The following SRPK2 variants were observed in gnomAD, a reference collection of about 807,000 sequenced individuals.
SRPK2 encodes SRSF protein kinase 2, also known as SFRS protein kinase 2.
In SRPK2, 21 loss-of-function variants were observed where a neutral mutation model predicts 90.8. That is an observed-to-expected ratio of 0.23 (90% CI 0.16 to 0.33). SRPK2 has a LOEUF of 0.33. Among genes scored for constraint, SRPK2 ranks in the 10% least tolerant of loss-of-function variants. SRPK2 has a pLI of 1.00. For missense variants in SRPK2, 620 were observed against 869.0 expected (o/e 0.71, Z 3.60); for synonymous variants, 288 against 311.1 (o/e 0.93, Z 0.78).
chr7:105,272,945 T>C (rs1351744814), intron 2 of SRPK2, among the ~76,000 whole-genome samples: 1 of 152,138 alleles, frequency 6.6e-6, no homozygotes, highest in Non-Finnish European at 1.5e-5. Context: ...CCGGGCGCGG[T>C]GGCTCACGCC....
intron 2 of SRPK2, among the ~76,000 whole-genome samples, chr7:105,364,592 C>T (rs1285717148): frequency 5.3e-5 from 8 of 151,642 alleles, no homozygotes; most frequent in Non-Finnish European, 7.4e-5. Flanking sequence ...TTAGTAGAGA[C>T]GGGGTTTCAC....
intron 2 of SRPK2, among the ~76,000 whole-genome samples, chr7:105,243,078 C>CGTA (rs1271171428): frequency 6.6e-6 from 1 of 152,066 alleles, no homozygotes; most frequent in Admixed American, 6.5e-5. Context: ...ACTAACTCAC[C>CGTA]GTAGACTCCA....
chr7:105,329,807 ATTAT>A (rs775783441), intron 2 of SRPK2, among the ~76,000 whole-genome samples: 1 of 151,946 alleles, frequency 6.6e-6, no homozygotes, highest in Non-Finnish European at 1.5e-5. Flanking sequence ...AGACGGGCAA[ATTAT>A]TTGAGGCCAA....
chr7:105,338,247 T>G (rs1815340928), intron 2 of SRPK2, among the ~76,000 whole-genome samples: 1 of 151,876 alleles, frequency 6.6e-6, no homozygotes, highest in Non-Finnish European at 1.5e-5. Flanking sequence ...CAAGTTTTTT[T>G]GTTTTGTTTT....
chr7:105,130,361 GACA>G (rs1220683962), intron 13 of SRPK2, among the ~76,000 whole-genome samples: 1 of 152,136 alleles, frequency 6.6e-6, no homozygotes, highest in Non-Finnish European at 1.5e-5. Flanking sequence ...GACCAGCCTA[GACA>G]ACGTGACAAA....
At chr7:105,313,099 TG>T (rs1811902889) in intron 2 of SRPK2, among the ~76,000 whole-genome samples, 1 of 151,416 alleles carries the variant, frequency 6.6e-6, no homozygotes, top group Non-Finnish European at 1.5e-5. Context: ...ATTATATGCA[TG>T]TAAGGGGAAA....
At chr7:105,267,754 T>G (rs1805292215) in intron 2 of SRPK2, among the ~76,000 whole-genome samples, 1 of 152,218 alleles carries the variant, frequency 6.6e-6, no homozygotes. Flanking sequence ...TTTACCATGG[T>G]AGGTTCTTCA....
At chr7:105,228,978 GTCTC>G (rs960505828) in intron 2 of SRPK2, among the ~76,000 whole-genome samples, 1 of 152,170 alleles carries the variant, frequency 6.6e-6, no homozygotes, top group Admixed American at 6.5e-5. Flanking sequence ...AATAGTAGTG[GTCTC>G]TCTGCTACTT....
At chr7:105,224,308 T>C (rs890038499) in intron 2 of SRPK2, among the ~76,000 whole-genome samples, 2 of 152,150 alleles carry the variant, frequency 1.3e-5, no homozygotes, top group African/African-American at 2.4e-5. Context: ...ATCTGTAACC[T>C]TTACTCAAAA....
At chr7:105,231,474 C>G (rs1799414965) in intron 2 of SRPK2, among the ~76,000 whole-genome samples, 2 of 152,176 alleles carry the variant, frequency 1.3e-5, no homozygotes, top group Non-Finnish European at 2.9e-5. Context: ...GTTTTTAGCT[C>G]TTTGAGGGAT....
At chr7:105,239,811 T>C (rs1056207566) in intron 2 of SRPK2, among the ~76,000 whole-genome samples, 3 of 152,250 alleles carry the variant, frequency 2.0e-5, no homozygotes, top group African/African-American at 7.2e-5. Context: ...GAGCTTAACA[T>C]TGATCCTGTT....
chr7:105,374,568 T>C (rs1222873051), intron 2 of SRPK2, among the ~76,000 whole-genome samples: 1 of 152,208 alleles, frequency 6.6e-6, no homozygotes. Flanking sequence ...ATGTTAGTCA[T>C]TAATAATTAG....
At chr7:105,261,406 A>C (rs1313787251) in intron 2 of SRPK2, among the ~76,000 whole-genome samples, 2 of 152,024 alleles carry the variant, frequency 1.3e-5, no homozygotes, top group Non-Finnish European at 2.9e-5. Context: ...CTGTAGTCCC[A>C]GCTACTCAGG....
intron 2 of SRPK2, among the ~76,000 whole-genome samples, chr7:105,261,185 A>G (rs2129960270): frequency 6.6e-6 from 1 of 152,294 alleles, no homozygotes; most frequent in African/African-American, 2.4e-5. Context: ...TTGTATATTA[A>G]ATGAAAAATA....
chr7:105,289,668 A>G (rs897583774), intron 2 of SRPK2, among the ~76,000 whole-genome samples: 6 of 152,216 alleles, frequency 3.9e-5, no homozygotes, highest in African/African-American at 9.7e-5. Flanking sequence ...GACTTTCTCC[A>G]TATCAGCAAT....
At chr7:105,252,245 A>C (rs1196440010) in intron 2 of SRPK2, among the ~76,000 whole-genome samples, 2 of 152,216 alleles carry the variant, frequency 1.3e-5, no homozygotes, top group Non-Finnish European at 2.9e-5. Flanking sequence ...GTTACAATGA[A>C]GGAAATAAAC....
intron 2 of SRPK2, among the ~76,000 whole-genome samples, chr7:105,381,940 G>A (rs1820996767): frequency 6.6e-6 from 1 of 152,164 alleles, no homozygotes; most frequent in African/African-American, 2.4e-5. Context: ...GGCTAAGGCA[G>A]GCAGATCATT....
chr7:105,394,717 C>G (rs936306265), intron 1 of SRPK2, among the ~76,000 whole-genome samples: 5 of 152,186 alleles, frequency 3.3e-5, no homozygotes, highest in African/African-American at 9.7e-5. Flanking sequence ...ATGTAGCAAG[C>G]ATTATTCTAG....
chr7:105,316,444 C>CTAAG (rs1812321513), intron 2 of SRPK2, among the ~76,000 whole-genome samples: 3 of 152,164 alleles, frequency 2.0e-5, no homozygotes, highest in Non-Finnish European at 4.4e-5. Flanking sequence ...TACCTCCAAG[C>CTAAG]TAAGTAAGCA....
Sources: allele counts gnomAD v4.1 joint callset (sites outside exome capture counted in the v4.1 genomes callset), GRCh38; gene constraint gnomAD v4.1.1; transcripts MANE v1.5; gene names NCBI Gene and HGNC (gene_info 2026-07-23, HGNC 2026-07-21).